KCTD1: variants seen among roughly 807,000 people sequenced by gnomAD.
KCTD1 encodes potassium channel tetramerization domain containing 1.
KCTD1 carries 24 observed loss-of-function variants against 66.0 expected under a neutral mutation model. The observed-to-expected ratio is 0.36, with a 90% CI of 0.26 to 0.51. The LOEUF is 0.51. Among genes scored for constraint, KCTD1 ranks in the 20% least tolerant of loss-of-function variants. KCTD1 has a pLI of 0.95. For synonymous variants in KCTD1, 511 were observed against 517.2 expected, an observed-to-expected ratio of 0.99 and a Z score of 0.16; for missense variants, 943 against 1,205.2, an observed-to-expected ratio of 0.78 and a Z score of 3.22.
At chr18:26,619,764 A>AC (rs1265083737) in intron 1 of KCTD1, among the ~76,000 whole-genome samples, 6 of 152,310 alleles carry the variant, frequency 3.9e-5, no homozygotes, top group South Asian at 2.1e-4. Context: ...GCATCCTTGG[A>AC]CTACAAGGGG....
intron 1 of KCTD1, among the ~76,000 whole-genome samples, chr18:26,645,564 GTTA>G (rs1987913538): frequency 6.6e-6 from 1 of 151,998 alleles, no homozygotes; most frequent in Non-Finnish European, 1.5e-5. Context: ...CCCATGCCTG[GTTA>G]TTATTATTAT....
At chr18:26,626,154 C>CA (rs199890516) in intron 1 of KCTD1, among the ~76,000 whole-genome samples, 8,306 of 117,708 alleles carry the variant, frequency 0.071, 257 homozygotes, top group East Asian at 0.15. Context: ...TTTCATGAGC[C>CA]AAAAAAAAAA....
chr18:26,470,789 G>A (rs978064091), intron 3 of KCTD1, among the ~76,000 whole-genome samples: 2 of 152,234 alleles, frequency 1.3e-5, no homozygotes, highest in South Asian at 4.1e-4. Context: ...CCAGGCCCAG[G>A]TAGGTTTGCT....
intron 1 of KCTD1, among the ~76,000 whole-genome samples, chr18:26,646,907 A>G (rs915103201): frequency 1.3e-5 from 2 of 152,160 alleles, no homozygotes; most frequent in Non-Finnish European, 2.9e-5. Context: ...AAAATAAGAA[A>G]TGCCCCTGAT....
intron 1 of KCTD1, among the ~76,000 whole-genome samples, chr18:26,620,486 G>A (rs1440030685): frequency 2.1e-5 from 3 of 143,296 alleles, no homozygotes; most frequent in Non-Finnish European, 1.5e-5. Flanking sequence ...GCCCAGGCTG[G>A]AGTGTGGTGG....
At chr18:26,648,760 C>A (rs2145075687) in intron 1 of KCTD1, among the ~76,000 whole-genome samples, 1 of 152,334 alleles carries the variant, frequency 6.6e-6, no homozygotes, top group South Asian at 2.1e-4. Flanking sequence ...AGACTGGAAG[C>A]TTGAATGCAC....
intron 1 of KCTD1, chr18:26,544,146 A>G (rs1985102174): frequency 6.6e-6 from 1 of 152,176 alleles, no homozygotes; most frequent in African/African-American, 2.4e-5. Context: ...CTAAAACTAC[A>G]CTTTACTTTT....
At chr18:26,473,390 C>CTT (rs749778139) in intron 3 of KCTD1, among the ~76,000 whole-genome samples, 5 of 151,796 alleles carry the variant, frequency 3.3e-5, no homozygotes, top group Non-Finnish European at 5.9e-5. Flanking sequence ...AGGGGAACAA[C>CTT]ACACACTGGG....
chr18:26,491,925 G>C (rs1982220460), intron 2 of KCTD1, among the ~76,000 whole-genome samples: 1 of 152,214 alleles, frequency 6.6e-6, no homozygotes, highest in Non-Finnish European at 1.5e-5. Context: ...CCCAGTCCCT[G>C]CTCCAGACCA....
At chr18:26,622,997 C>G (rs561459641) in intron 1 of KCTD1, among the ~76,000 whole-genome samples, 1 of 152,298 alleles carries the variant, frequency 6.6e-6, no homozygotes, top group Admixed American at 6.5e-5. Flanking sequence ...TATATGCAAT[C>G]AGCCATCAAA....
rs530191121 is a variant in KCTD1, at chr18:26,522,007, A to C, written c.1810-20757T>G. Among the ~76,000 whole-genome samples the C allele has an allele frequency of 2.1e-4, 32 of 152,338 alleles. No homozygotes were observed. The East Asian group carries it at 6.0e-3, about 28-fold the overall frequency. ...CTGGAAAAAAAAAGTAGTTCTAAGGAAAAAGAAGCAAGCACAAAATTTCAC... is the reference window on the plus strand; with the variant it reads ...CTGGAAAAAAAAAGTAGTTCTAAGGCAAAAGAAGCAAGCACAAAATTTCAC... On this transcript the variant is annotated intron_variant, in intron 1 of 4. Transcript: ENST00000580059.
intron 1 of KCTD1, among the ~76,000 whole-genome samples, chr18:26,590,559 G>C (rs1211393811): frequency 6.6e-6 from 1 of 152,042 alleles, no homozygotes; most frequent in Non-Finnish European, 1.5e-5. Flanking sequence ...TTTTAGCAAG[G>C]CTTCTCTTAG....
chr18:26,575,320 T>C (rs1986199438), intron 1 of KCTD1: 1 of 152,126 alleles, frequency 6.6e-6, no homozygotes, highest in South Asian at 2.1e-4. Context: ...GCGTGCAGAC[T>C]TGAAAATGCA....
At chr18:26,598,686 C>T (rs939528621) in intron 1 of KCTD1, among the ~76,000 whole-genome samples, 1 of 152,170 alleles carries the variant, frequency 6.6e-6, no homozygotes, top group Non-Finnish European at 1.5e-5. Flanking sequence ...AATTATATAG[C>T]TATCCTAAGT....
intron 2 of KCTD1, among the ~76,000 whole-genome samples, chr18:26,492,846 C>G (rs28539593): frequency 0.58 from 87,444 of 151,482 alleles, 25,511 homozygotes; most frequent in Non-Finnish European, 0.63. Context: ...AAGGTTATAT[C>G]TGATATAACC....
chr18:26,559,510 T>A (rs1277087352), intron 1 of KCTD1, among the ~76,000 whole-genome samples: 1 of 152,186 alleles, frequency 6.6e-6, no homozygotes, highest in Middle Eastern at 3.2e-3. Flanking sequence ...ATTATGCTGC[T>A]GCTGGTTCCT....
chr18:26,570,004 T>G (rs1169640193), intron 1 of KCTD1, among the ~76,000 whole-genome samples: 1 of 151,962 alleles, frequency 6.6e-6, no homozygotes, highest in Non-Finnish European at 1.5e-5. Context: ...CTGACCAACA[T>G]GGTGAAACCC....
At chr18:26,501,563 A>AT (rs1444945832) in intron 1 of KCTD1, among the ~76,000 whole-genome samples, 1 of 152,252 alleles carries the variant, frequency 6.6e-6, no homozygotes, top group East Asian at 1.9e-4. Context: ...AACTAGTATG[A>AT]TATGAAAAGT....
intron 1 of KCTD1, among the ~76,000 whole-genome samples, chr18:26,583,519 C>T (rs1986407128): frequency 6.6e-6 from 1 of 151,224 alleles, no homozygotes; most frequent in Admixed American, 6.6e-5. Flanking sequence ...AATCATCTAA[C>T]AAATGTAATC....
Sources: gnomAD v4.1 joint callset for allele counts (sites outside exome capture counted in the v4.1 genomes callset) on GRCh38, gnomAD v4.1.1 for gene constraint, MANE v1.5 for transcripts, NCBI Gene and HGNC (gene_info 2026-07-23, HGNC 2026-07-21) for gene names.